Variants in TINF2 observed in about 807,000 individuals in gnomAD.
TINF2 encodes the protein TERF1-interacting nuclear factor 2.
In TINF2, 27 loss-of-function variants were observed where a neutral mutation model predicts 50.4. That is an observed-to-expected ratio of 0.54 (90% CI 0.40 to 0.74). TINF2 has a LOEUF of 0.74. TINF2 is among the 30% of genes least tolerant of loss of function. The pLI, the probability that TINF2 is intolerant of heterozygous loss-of-function variation, is 0.00. For synonymous variants in TINF2, 223 were observed against 214.6 expected (o/e 1.04, Z -0.34); for missense variants, 496 against 551.5 (o/e 0.90, Z 1.01).
In TINF2 at chr14:24,239,740, A is replaced by G; in HGVS notation, c.*57T>C. Reference sequence around the variant, plus strand: ...TGGACTTCCACTTCATTCCTACTAAACTACTTGCAGAGCTGAGGAGGCAGG... The same window carrying G: ...TGGACTTCCACTTCATTCCTACTAAGCTACTTGCAGAGCTGAGGAGGCAGG... On this transcript the variant is annotated 3_prime_UTR_variant, in exon 9 of 9. Coordinates refer to ENST00000267415, the MANE Select transcript of TINF2 (RefSeq NM_001099274.3). The G allele has an allele frequency of 6.2e-7, 1 of 1,614,010 alleles. No individual in the cohort carries two copies. The highest frequency in any genetic ancestry group is 8.5e-7 in the Non-Finnish European group (1 of 1,179,992).
At chr14:24,241,155 G>C (rs2040570919) in intron 4 of TINF2, 39 bp from the exon 5 acceptor site, 1 of 1,614,002 alleles carries the variant, frequency 6.2e-7, no homozygotes. Flanking sequence ...CACAATCCTT[G>C]AAACAGCCAC....
chr14:24,241,042 C>T lies in TINF2; in HGVS notation c.582G>A (p.Val194=), dbSNP rs776967038. 1 of 1,614,172 alleles carries T rather than the reference C, an allele frequency of 6.2e-7. No homozygotes were observed. Among genetic ancestry groups the T allele is most frequent in the Non-Finnish European group, 8.5e-7 (1 of 1,180,030 alleles). The change falls in exon 5 of 9, where the codon GTG becomes GTA. Residue 194 remains valine, a synonymous_variant. Coordinates refer to ENST00000267415, the MANE Select transcript of TINF2 (RefSeq NM_001099274.3). ...TSSLAWRQYG[V]DMGWLLPECS... ...TACCTGGAAGCAGCCACCCCATGTC[C>T]ACACCATATTGTCTCCAGGCAAGAG...
At position 24,240,736 on chromosome 14, in the gene TINF2, C is replaced by T. The variant is rs138197619; in HGVS notation, c.744G>A (p.Thr248=). 21 of 1,613,404 alleles carry T rather than the reference C, an allele frequency of 1.3e-5. No homozygotes were observed. The highest frequency in any genetic ancestry group is 4.4e-5 in the South Asian group (4 of 91,070). Residue 248 remains threonine, a synonymous_variant, in exon 6 of 9, where the codon ACG becomes ACA. Transcript: ENST00000267415. ...GTCGGCCAGCTAGAGGTTCTGGGTGCGTCCTTGAAGATGGTCCCTGAGGAA... is the reference window on the plus strand; with the variant it reads ...GTCGGCCAGCTAGAGGTTCTGGGTGTGTCCTTGAAGATGGTCCCTGAGGAA... The part of the protein sequence containing the change: ...THLPQGPSSR[T]HPEPLAGRHF...
intron 6 of TINF2, 41 bp downstream of exon 6, chr14:24,240,378 A>G: frequency 6.2e-7 from 1 of 1,614,050 alleles, no homozygotes; most frequent in East Asian, 2.2e-5. Context: ...AAGGCAGGCA[A>G]AGAATGTGCT....
At position 24,242,580 on chromosome 14, in the gene TINF2, C is replaced by T; in HGVS notation, c.-248G>A. The T allele has an allele frequency of 7.3e-7, 1 of 1,374,214 alleles. No homozygotes were observed. The highest frequency in any genetic ancestry group is 1.6e-5 in the South Asian group (1 of 62,184). The allele number at this position is 1,374,214 out of a possible 1,614,324, so 85.1% of individuals were successfully genotyped here. On this transcript the variant is annotated 5_prime_UTR_variant, in exon 1 of 9. Transcript: ENST00000267415. ...GACCGTCTCCAGTGGCACTGGGTCGCTCAGCTTTAAACGTCGCCGCTGTCT... is the reference window on the plus strand; with the variant it reads ...GACCGTCTCCAGTGGCACTGGGTCGTTCAGCTTTAAACGTCGCCGCTGTCT...
At position 24,242,443 on chromosome 14, in the gene TINF2, T is replaced by G; in HGVS notation, c.-111A>C. ...TTCTGGCAACTCCCTGTCGCTCCGG[T>G]CTGTCGGCTCTGGGTACCTCGCGAT... On this transcript the variant is annotated 5_prime_UTR_variant, in exon 1 of 9. Transcript: ENST00000267415. 1 of 1,458,066 alleles carries G rather than the reference T, an allele frequency of 6.9e-7. No homozygotes were observed. The highest frequency in any genetic ancestry group is 9.0e-7 in the Non-Finnish European group (1 of 1,112,580). The allele number at this position is 1,458,066 out of a possible 1,614,324, so 90.3% of individuals were successfully genotyped here. A position where few individuals can be genotyped will look rare whatever the true frequency, so the allele number is the denominator to read the frequency against.
chr14:24,242,182 A>G lies in TINF2; in HGVS notation c.151T>C (p.Tyr51His). 1 of 1,614,234 alleles carries G rather than the reference A, an allele frequency of 6.2e-7. No homozygotes were observed. Among genetic ancestry groups the G allele is most frequent in the Non-Finnish European group, 8.5e-7 (1 of 1,180,026 alleles). The change falls in exon 1 of 9, where the codon TAC (tyrosine) becomes CAC (histidine). Residue 51 changes from tyrosine (Y) to histidine (H), a missense_variant. Coordinates refer to ENST00000267415, the MANE Select transcript of TINF2 (RefSeq NM_001099274.3). ...LRAVAPGLVR[Y>H]RHHERLCMGL... ...ATACAAAGGCGTTCGTGGTGCCGGT[A>G]GCGAACCAAGCCAGGGGCAACAGCG...
chr14:24,240,905 G>A, intron 5 of TINF2, 30 bp from the exon 6 acceptor site: 2 of 1,614,098 alleles, frequency 1.2e-6, no homozygotes, highest in Non-Finnish European at 8.5e-7. Flanking sequence ...CCCTTATAAA[G>A]AGAACAGATA....
At chr14:24,242,668 G>T (rs2040606988), upstream of TINF2, 1 of 1,163,010 alleles carries the variant, frequency 8.6e-7, no homozygotes, top group African/African-American at 1.6e-5. Context: ...GAAAAGGGCG[G>T]TAAGAGGGAG....
In TINF2 at chr14:24,240,075, C is replaced by T; in HGVS notation, c.1210G>A (p.Gly404Arg). Residue 404 changes from glycine (G) to arginine (R), a missense_variant, in exon 8 of 9, where the codon GGG becomes AGG. Transcript: ENST00000267415. ...LDSDEEENGQ[G>R]EGKESLENYQ... ...TCCTTCCCACTCACCTTTCCTTCCCCCTGGCCATTTTCTTCCTCATCAGAG... is the reference window on the plus strand; with the variant it reads ...TCCTTCCCACTCACCTTTCCTTCCCTCTGGCCATTTTCTTCCTCATCAGAG... 1 of 1,614,142 alleles carries T rather than the reference C, an allele frequency of 6.2e-7. No individual in the cohort carries two copies.
Position 24,241,756 on chromosome 14 carries a change from C to G in TINF2, c.318G>C (p.Lys106Asn), listed in dbSNP as rs765992492. Residue 106 changes from lysine (K) to asparagine (N), a missense_variant, in exon 3 of 9, where the codon AAG becomes AAC. Physicochemically the swap from Lys to Asn is moderately conservative, Grantham distance 94. Coordinates refer to ENST00000267415, the MANE Select transcript of TINF2 (RefSeq NM_001099274.3). ...AAAAAGTTTCCTGTGCCTCCAAAAT[C>G]TTCCTCAGATCCTGCTTTGTCTGTT... ...DPKATKQDLRKILEAQETFYQ... is the reference protein window; with the variant it reads ...DPKATKQDLRNILEAQETFYQ... The G allele has an allele frequency of 1.8e-5, 29 of 1,613,692 alleles. No individual in the cohort carries two copies. The highest frequency in any genetic ancestry group is 1.6e-4 in the South Asian group (15 of 90,924).
In TINF2 at chr14:24,240,880, A is replaced by G; in HGVS notation, c.605-5T>C. 1 of 1,614,076 alleles carries G rather than the reference A, an allele frequency of 6.2e-7. No individual in the cohort carries two copies. Among genetic ancestry groups the G allele is most frequent in the African/African-American group, 1.3e-5 (1 of 75,036 alleles). On this transcript the variant is annotated splice_polypyrimidine_tract_variant and splice_region_variant and intron_variant, in intron 5 of 8. Coordinates refer to ENST00000267415, the MANE Select transcript of TINF2 (RefSeq NM_001099274.3). Reference sequence around the variant, plus strand: ...CTGAGTCAGTAACAGAGCACTCTGAAAAAGAAAATGAGGCCCCTTATAAAG... The same window carrying G: ...CTGAGTCAGTAACAGAGCACTCTGAGAAAGAAAATGAGGCCCCTTATAAAG...
rs969387053 is a variant in TINF2, at chr14:24,240,436, A to T, written c.1044T>A (p.Pro348=). ...RALKENPVDL[P]ATEQKENCLD... is the part of the protein sequence containing the mutation. ...CCACTCACTCCTTTTGCTCTGTGGC[A>T]GGCAAGTCAACTGGGTTCTCCTTCA... The change falls in exon 6 of 9, where the codon CCT becomes CCA. Residue 348 remains proline, a synonymous_variant. Coordinates refer to ENST00000267415, the MANE Select transcript of TINF2 (RefSeq NM_001099274.3). 3.1e-6 allele frequency: 5 copies of T among 1,614,046 alleles called. No homozygotes were observed. The highest frequency in any genetic ancestry group is 4.2e-6 in the Non-Finnish European group (5 of 1,180,030).
At chr14:24,240,900 A>T in intron 5 of TINF2, 25 bp from the exon 6 acceptor site, 1 of 1,614,116 alleles carries the variant, frequency 6.2e-7, no homozygotes, top group Non-Finnish European at 8.5e-7. Context: ...GAGGCCCCTT[A>T]TAAAGAGAAC....
chr14:24,241,841 G>A (rs773714974), intron 2 of TINF2, 49 bp downstream of exon 2: 86 of 1,613,176 alleles, frequency 5.3e-5, no homozygotes, highest in Non-Finnish European at 7.1e-5. Context: ...GAGCAACTTT[G>A]CTGCACCAAG....
In TINF2 at chr14:24,240,349, A is replaced by G. The variant is rs775104703; in HGVS notation, c.1062-19T>C. ...GCAATTCCTGAGGTGAGAGCAAGCA[A>G]AGAGGATAGGATGAAGGGAAGGCAG... On this transcript the variant is annotated intron_variant, in intron 6 of 8. Transcript: ENST00000267415. The G allele has an allele frequency of 2.5e-6, 4 of 1,613,872 alleles. No individual in the cohort carries two copies. The African/African-American group carries it at 5.3e-5, about 22-fold the overall frequency.
rs750010333 is a variant in TINF2, at chr14:24,239,962, A to C, written c.1222-31T>G. The C allele has an allele frequency of 9.3e-6, 15 of 1,614,166 alleles. No homozygotes were observed. In the South Asian group the frequency reaches 1.4e-4, roughly 15 times the overall value. ...GAGAAGGGAGCAGGGAGAGCCTACTATCCGAAACCATTCCCTGAACCCTCT... is the reference window on the plus strand; with the variant it reads ...GAGAAGGGAGCAGGGAGAGCCTACTCTCCGAAACCATTCCCTGAACCCTCT... On this transcript the variant is annotated intron_variant, in intron 8 of 8. Transcript: ENST00000267415.
In TINF2 at chr14:24,241,072, G is replaced by C. The variant is rs767332796; in HGVS notation, c.552C>G (p.Thr184=). ...LSWMQPGVSI[T]SSLAWRQYGV... Reference sequence around the variant, plus strand: ...CATATTGTCTCCAGGCAAGAGAAGAGGTGATAGAGACTCCAGGCTGCATCC... The same window carrying C: ...CATATTGTCTCCAGGCAAGAGAAGACGTGATAGAGACTCCAGGCTGCATCC... The change falls in exon 5 of 9, where the codon ACC becomes ACG. Residue 184 remains threonine, a synonymous_variant. Coordinates refer to ENST00000267415, the MANE Select transcript of TINF2 (RefSeq NM_001099274.3). 6.2e-7 allele frequency: 1 copy of C among 1,614,172 alleles called. No individual in the cohort carries two copies. Among genetic ancestry groups the C allele is most frequent in the Non-Finnish European group, 8.5e-7 (1 of 1,180,038 alleles).
rs1184050941 is a variant in TINF2, at chr14:24,240,735, G to A, written c.745C>T (p.His249Tyr). 1 of 1,613,454 alleles carries A rather than the reference G, an allele frequency of 6.2e-7. No homozygotes were observed. Among genetic ancestry groups the A allele is most frequent in the Non-Finnish European group, 8.5e-7 (1 of 1,179,746 alleles). The change falls in exon 6 of 9, where the codon CAC becomes TAC. Residue 249 changes from histidine (H) to tyrosine (Y), a missense_variant. Transcript: ENST00000267415. ...HLPQGPSSRT[H>Y]PEPLAGRHFN... ...TGTCGGCCAGCTAGAGGTTCTGGGTGCGTCCTTGAAGATGGTCCCTGAGGA... is the reference window on the plus strand; with the variant it reads ...TGTCGGCCAGCTAGAGGTTCTGGGTACGTCCTTGAAGATGGTCCCTGAGGA...
Sources: allele counts gnomAD v4.1 joint callset, GRCh38; gene constraint gnomAD v4.1.1; transcripts MANE v1.5; gene names NCBI Gene and HGNC (gene_info 2026-07-23, HGNC 2026-07-21).